Variants in PIK3C2G observed in about 807,000 individuals in gnomAD.
PIK3C2G encodes phosphatidylinositol-4-phosphate 3-kinase catalytic subunit type 2 gamma.
A neutral mutation model predicts 181.1 loss-of-function variants in PIK3C2G; 168 were observed. The observed-to-expected ratio is 0.93, with a 90% CI of 0.82 to 1.05. The LOEUF (loss-of-function observed/expected upper bound fraction) is 1.05, where lower values mean the gene tolerates loss of function less well. PIK3C2G is among the 50% of genes least tolerant of loss of function. The pLI is 0.00. For synonymous variants in PIK3C2G, 573 were observed against 592.2 expected (o/e 0.97, Z 0.47); for missense variants, 1,869 against 1,732.8 (o/e 1.08, Z -1.40).
chr12:18,669,150 G>A, the PIK3C2G span, among the ~76,000 whole-genome samples: 1 of 152,016 alleles, frequency 6.6e-6, no homozygotes, highest in Non-Finnish European at 1.5e-5. Flanking sequence ...TTATTTTCTT[G>A]ATTCCTCTGA....
intron 9 of PIK3C2G, among the ~76,000 whole-genome samples, chr12:18,342,862 A>T (rs771487148): frequency 5.3e-5 from 8 of 152,046 alleles, no homozygotes; most frequent in Non-Finnish European, 1.2e-4. Flanking sequence ...TCAGATTTTT[A>T]AAAATTCCCT....
the PIK3C2G span, among the ~76,000 whole-genome samples, chr12:18,690,997 G>C: frequency 1.3e-5 from 2 of 152,122 alleles, no homozygotes; most frequent in African/African-American, 4.8e-5. Flanking sequence ...AACTTGTGGA[G>C]AATAGATATG....
intron 18 of PIK3C2G, among the ~76,000 whole-genome samples, chr12:18,425,325 T>C (rs1309972254): frequency 6.6e-6 from 1 of 151,946 alleles, no homozygotes; most frequent in Admixed American, 6.6e-5. Context: ...GTTTGTTTTG[T>C]GTTTTTGAAG....
intron 24 of PIK3C2G, among the ~76,000 whole-genome samples, chr12:18,530,446 A>G (rs932347871): frequency 6.6e-5 from 10 of 152,148 alleles, no homozygotes; most frequent in African/African-American, 2.2e-4. Flanking sequence ...CAAAATCTCC[A>G]GGCTTCATGC....
At chr12:18,426,261 C>G (rs888596679) in intron 18 of PIK3C2G, among the ~76,000 whole-genome samples, 2 of 152,036 alleles carry the variant, frequency 1.3e-5, no homozygotes, top group African/African-American at 2.4e-5. Flanking sequence ...GACTATCTAA[C>G]TTTGTGATAA....
In PIK3C2G at chr12:18,292,230, ATATATATAT is replaced by A. The variant is rs1949742118; in HGVS notation, c.919+1219_919+1227del. 6.1e-5 allele frequency among the ~76,000 whole-genome samples: 6 copies of A among 98,350 alleles called. 1 individual carries two copies. The highest frequency in any genetic ancestry group is 2.3e-4 in the African/African-American group (6 of 25,620). 64.5% of individuals were successfully genotyped at this position (98,350 alleles called of 152,430 possible). On this transcript the variant is annotated intron_variant, in intron 4 of 32. Coordinates refer to ENST00000538779, the MANE Select transcript of PIK3C2G (RefSeq NM_001288772.2). ...CATCTCAAAAAAAAAAAAAAAAAAT[ATATATATAT>A]ATATATATATATATATGGATTTATT...
At chr12:18,685,106 C>T in the PIK3C2G span, among the ~76,000 whole-genome samples, 1 of 152,062 alleles carries the variant, frequency 6.6e-6, no homozygotes, top group Admixed American at 6.6e-5. Context: ...TGGACTAATA[C>T]AGTCAGTCTT....
chr12:18,584,199 T>G (rs1592645511), intron 29 of PIK3C2G, among the ~76,000 whole-genome samples: 1 of 151,886 alleles, frequency 6.6e-6, no homozygotes, highest in African/African-American at 2.4e-5. Flanking sequence ...AGCTAATTTT[T>G]TTTTTTTGTA....
rs140578602 is a variant in PIK3C2G, at chr12:18,408,669, A to G, written c.2315+8822A>G. ...TTTTTGTAATCTAGCCATCTGACAAAGGGCTAATATTCAGAATCTACGAAG... is the reference window on the plus strand; with the variant it reads ...TTTTTGTAATCTAGCCATCTGACAAGGGGCTAATATTCAGAATCTACGAAG... On this transcript the variant is annotated intron_variant, in intron 16 of 32. Transcript: ENST00000538779. 7.2e-5 allele frequency among the ~76,000 whole-genome samples: 11 copies of G among 152,300 alleles called. No homozygotes were observed. In the East Asian group the frequency reaches 1.9e-3, roughly 27 times the overall value.
chr12:18,359,480 T>C (rs1941043896), intron 11 of PIK3C2G, among the ~76,000 whole-genome samples: 1 of 152,164 alleles, frequency 6.6e-6, no homozygotes, highest in African/African-American at 2.4e-5. Context: ...TAATCCTCTG[T>C]TTACTTACCT....
chr12:18,524,701 G>T (rs1943124910), intron 24 of PIK3C2G, among the ~76,000 whole-genome samples: 1 of 151,892 alleles, frequency 6.6e-6, no homozygotes. Flanking sequence ...GAGTAGCTGG[G>T]ATTACAGGTG....
At chr12:18,385,216 C>G (rs1263028035) in intron 14 of PIK3C2G, among the ~76,000 whole-genome samples, 2 of 152,146 alleles carry the variant, frequency 1.3e-5, no homozygotes, top group African/African-American at 4.8e-5. Flanking sequence ...CCTGACTTCA[C>G]TTTTCCGATT....
the PIK3C2G span, among the ~76,000 whole-genome samples, chr12:18,659,045 A>G: frequency 9.2e-5 from 14 of 152,154 alleles, no homozygotes; most frequent in Non-Finnish European, 1.9e-4. Flanking sequence ...GAGAGGCAAG[A>G]GTTGCTATGG....
chr12:18,356,271 C>A (rs141943483), intron 11 of PIK3C2G, among the ~76,000 whole-genome samples: 1 of 152,158 alleles, frequency 6.6e-6, no homozygotes, highest in Non-Finnish European at 1.5e-5. Flanking sequence ...CCCGATGAAA[C>A]GGGATGGTTC....
chr12:18,645,182 G>A (rs1348962157), intron 32 of PIK3C2G, among the ~76,000 whole-genome samples: 3 of 151,866 alleles, frequency 2.0e-5, no homozygotes, highest in Non-Finnish European at 4.4e-5. Flanking sequence ...TTTGTTCTGA[G>A]TATGCAGAAT....
chr12:18,334,972 C>A (rs1188366979), intron 8 of PIK3C2G, among the ~76,000 whole-genome samples: 4 of 152,002 alleles, frequency 2.6e-5, no homozygotes, highest in African/African-American at 9.7e-5. Flanking sequence ...TCACAATAGC[C>A]TAGTGCAATT....
At chr12:18,703,085 C>T in the PIK3C2G span, among the ~76,000 whole-genome samples, 305 of 152,178 alleles carry the variant, frequency 2.0e-3, 1 homozygote, top group Non-Finnish European at 3.9e-3. Flanking sequence ...TAATAGGAAG[C>T]GGGATTCTCT....
intron 13 of PIK3C2G, among the ~76,000 whole-genome samples, chr12:18,376,624 G>A (rs1369009929): frequency 6.6e-6 from 1 of 152,200 alleles, no homozygotes; most frequent in Non-Finnish European, 1.5e-5. Context: ...CAGGGGCAGA[G>A]TAATATAGTT....
At chr12:18,589,925 T>A (rs1452001532) in intron 29 of PIK3C2G, among the ~76,000 whole-genome samples, 1 of 151,876 alleles carries the variant, frequency 6.6e-6, no homozygotes, top group Admixed American at 6.6e-5. Flanking sequence ...CCTATGAAAT[T>A]CTCTCTTGCT....
Sources: gnomAD v4.1 joint callset for allele counts (sites outside exome capture counted in the v4.1 genomes callset) on GRCh38, gnomAD v4.1.1 for gene constraint, MANE v1.5 for transcripts, NCBI Gene and HGNC (gene_info 2026-07-23, HGNC 2026-07-21) for gene names.